The following CPNE8 variants were observed in gnomAD, a reference collection of about 807,000 sequenced individuals.
CPNE8 encodes the protein copine-8.
CPNE8 carries 45 observed loss-of-function variants against 81.5 expected under a neutral mutation model. The ratio of observed to expected loss-of-function variants is 0.55; its 90% CI spans 0.44 to 0.71. The LOEUF is 0.71. CPNE8 is among the 30% of genes least tolerant of loss of function. The pLI, the probability that CPNE8 is intolerant of heterozygous loss-of-function variation, is 0.00. For missense variants in CPNE8, 594 were observed against 672.1 expected, an observed-to-expected ratio of 0.88 and a Z score of 1.28; for synonymous variants, 252 against 226.3, an observed-to-expected ratio of 1.11 and a Z score of -1.02.
chr12:38,886,756 A>G (rs1944243042), intron 1 of CPNE8, among the ~76,000 whole-genome samples: 1 of 152,154 alleles, frequency 6.6e-6, no homozygotes, highest in Non-Finnish European at 1.5e-5. Flanking sequence ...TTTTAAGTTT[A>G]TACTGTCGGC....
chr12:38,723,270 A>G (rs1043140257), intron 13 of CPNE8, among the ~76,000 whole-genome samples: 14 of 152,136 alleles, frequency 9.2e-5, no homozygotes, highest in Non-Finnish European at 1.9e-4. Context: ...GGTTTTGAAA[A>G]ATTTCAAAAT....
chr12:38,782,461 A>G (rs1942075817), intron 6 of CPNE8, among the ~76,000 whole-genome samples: 1 of 152,110 alleles, frequency 6.6e-6, no homozygotes, highest in Admixed American at 6.6e-5. Context: ...TGGTTGTGTA[A>G]AAGAATATTC....
chr12:38,704,846 A>ATATATGTG (rs1940062039), intron 13 of CPNE8, among the ~76,000 whole-genome samples: 1 of 133,904 alleles, frequency 7.5e-6, no homozygotes, highest in Non-Finnish European at 1.6e-5. Context: ...ATATATATAT[A>ATATATGTG]TATATATATA....
intron 6 of CPNE8, among the ~76,000 whole-genome samples, chr12:38,828,042 A>G (rs1319734491): frequency 1.1e-4 from 17 of 152,184 alleles, no homozygotes; most frequent in Admixed American, 1.1e-3. Context: ...TGTTGCTTGG[A>G]AATGAAAATT....
intron 8 of CPNE8, among the ~76,000 whole-genome samples, chr12:38,764,124 T>C (rs888732556): frequency 5.9e-5 from 9 of 152,144 alleles, no homozygotes; most frequent in African/African-American, 2.4e-5. Context: ...TTCTCAGAGC[T>C]GACTCACCTG....
intron 3 of CPNE8, among the ~76,000 whole-genome samples, 157 bp from the exon 4 acceptor site, chr12:38,848,819 G>A (rs997000706): frequency 1.3e-5 from 2 of 151,734 alleles, no homozygotes; most frequent in African/African-American, 4.8e-5. Flanking sequence ...ATTTATTCAG[G>A]GAAATCATAA....
At chr12:38,767,508 T>A in intron 8 of CPNE8, 127 bp downstream of exon 8, 1 of 550,118 alleles carries the variant, frequency 1.8e-6, no homozygotes, top group Admixed American at 4.1e-5. Flanking sequence ...GCAAAAATCA[T>A]ATCAATTTTT....
chr12:38,770,768 A>T (rs543134491), intron 7 of CPNE8, among the ~76,000 whole-genome samples: 1 of 152,122 alleles, frequency 6.6e-6, no homozygotes, highest in Non-Finnish European at 1.5e-5. Flanking sequence ...TGTCTGCTGG[A>T]ATTCTTATCC....
At chr12:38,822,384 C>T (rs1943121451) in intron 6 of CPNE8, among the ~76,000 whole-genome samples, 1 of 152,104 alleles carries the variant, frequency 6.6e-6, no homozygotes, top group Non-Finnish European at 1.5e-5. Context: ...TTTGGTTTAA[C>T]ACGGTCCTTT....
chr12:38,701,859 G>A (rs1939956841), intron 14 of CPNE8, among the ~76,000 whole-genome samples: 1 of 152,102 alleles, frequency 6.6e-6, no homozygotes. Context: ...TTAATTGGAA[G>A]CCATAATGTT....
chr12:38,895,295 T>C (rs1311704426), intron 1 of CPNE8, among the ~76,000 whole-genome samples: 1 of 152,076 alleles, frequency 6.6e-6, no homozygotes, highest in Non-Finnish European at 1.5e-5. Context: ...GCTAGCAAGT[T>C]AAACGGTGAC....
chr12:38,762,485 A>G (rs1941592904), intron 8 of CPNE8, among the ~76,000 whole-genome samples: 1 of 152,204 alleles, frequency 6.6e-6, no homozygotes, highest in African/African-American at 2.4e-5. Context: ...AATTGTGGTG[A>G]CATGCTGATG....
At chr12:38,885,843 G>T (rs1048055551) in intron 1 of CPNE8, among the ~76,000 whole-genome samples, 2 of 151,900 alleles carry the variant, frequency 1.3e-5, no homozygotes, top group African/African-American at 4.8e-5. Context: ...AGGAGATTTG[G>T]TTGTTTAAAA....
intron 1 of CPNE8, among the ~76,000 whole-genome samples, chr12:38,900,758 C>T (rs1013363500): frequency 7.9e-5 from 12 of 152,112 alleles, no homozygotes; most frequent in African/African-American, 2.9e-4. Context: ...TGGGCTATGG[C>T]ACACATCTGT....
At chr12:38,691,469 T>C (rs774137298) in intron 15 of CPNE8, among the ~76,000 whole-genome samples, 1 of 152,198 alleles carries the variant, frequency 6.6e-6, no homozygotes, top group Non-Finnish European at 1.5e-5. Context: ...ACTATTTCAC[T>C]GAAAACCTAC....
In CPNE8 at chr12:38,733,226, T is replaced by G. The variant is rs187817589; in HGVS notation, c.723-2868A>C. On this transcript the variant is annotated intron_variant, in intron 10 of 19. Coordinates refer to ENST00000331366, the MANE Select transcript of CPNE8 (RefSeq NM_153634.3). Reference sequence around the variant, plus strand: ...TAGATCTCTTTTAATACATGGATATTTTTATACTTTCTAACCTTTGTAACC... The same window carrying G: ...TAGATCTCTTTTAATACATGGATATGTTTATACTTTCTAACCTTTGTAACC... Among the ~76,000 whole-genome samples, 869 of 152,022 alleles carry G rather than the reference T, an allele frequency of 5.7e-3. 4 individuals carry two copies. The highest frequency in any genetic ancestry group is 6.7e-3 in the Non-Finnish European group (454 of 67,884).
In CPNE8 at chr12:38,670,822, C is replaced by A. The variant is rs1349972253; in HGVS notation, c.1433-20G>T. The A allele has an allele frequency of 2.5e-6, 4 of 1,572,430 alleles. No individual in the cohort carries two copies. The highest frequency in any genetic ancestry group is 2.6e-6 in the Non-Finnish European group (3 of 1,147,292). On this transcript the variant is annotated intron_variant, in intron 18 of 19. Transcript: ENST00000331366. Reference sequence around the variant, plus strand: ...CCATTGCTTTAAGAGAAAATATGATCATTTATTCAGTACATTTTAGCCAAA... The same window carrying A: ...CCATTGCTTTAAGAGAAAATATGATAATTTATTCAGTACATTTTAGCCAAA...
chr12:38,735,663 T>C (rs1940937187), intron 10 of CPNE8, among the ~76,000 whole-genome samples: 1 of 152,046 alleles, frequency 6.6e-6, no homozygotes, highest in Non-Finnish European at 1.5e-5. Flanking sequence ...CAAGCCTTTT[T>C]TTTCCTTTTA....
rs200598640 is a variant in CPNE8, at chr12:38,845,525, A to AT, written c.290+3033dup. ...CTACTTTAATCTTTTTTATTTTCCAATTTTTTTACCATGAATATGTTACTT... is the reference window on the plus strand; with the variant it reads ...CTACTTTAATCTTTTTTATTTTCCAATTTTTTTTACCATGAATATGTTACTT... On this transcript the variant is annotated intron_variant, in intron 4 of 19. Coordinates refer to ENST00000331366, the MANE Select transcript of CPNE8 (RefSeq NM_153634.3). 6.8e-3 allele frequency among the ~76,000 whole-genome samples: 1,026 copies of AT among 151,938 alleles called. 11 individuals carry two copies. Among genetic ancestry groups the AT allele is most frequent in the African/African-American group, 0.024 (981 of 41,434 alleles).
Sources: allele counts gnomAD v4.1 joint callset (sites outside exome capture counted in the v4.1 genomes callset), GRCh38; gene constraint gnomAD v4.1.1; transcripts MANE v1.5; gene names NCBI Gene and HGNC (gene_info 2026-07-23, HGNC 2026-07-21).